PCDHGB3: variants seen among roughly 807,000 people sequenced by gnomAD.
The protein encoded by PCDHGB3 is protocadherin gamma-B3.
In PCDHGB3, 40 loss-of-function variants were observed where a neutral mutation model predicts 59.2. That is an observed-to-expected ratio of 0.68 (90% CI 0.52 to 0.88). The LOEUF is 0.88. Among genes scored for constraint, PCDHGB3 ranks in the 40% least tolerant of loss-of-function variants. The pLI is 0.00. For missense variants in PCDHGB3, 1,309 were observed against 1,187.9 expected, an observed-to-expected ratio of 1.10 and a Z score of -1.50; for synonymous variants, 581 against 503.6, an observed-to-expected ratio of 1.15 and a Z score of -2.06.
intron 1 of PCDHGB3, chr5:141,389,603 C>A: frequency 6.2e-7 from 1 of 1,613,148 alleles, no homozygotes; most frequent in Non-Finnish European, 8.5e-7. Flanking sequence ...CTGCGCTCTT[C>A]GATATGGTGC....
chr5:141,500,433 T>C (rs1398344932), intron 2 of PCDHGB3, among the ~76,000 whole-genome samples: 1 of 151,764 alleles, frequency 6.6e-6, no homozygotes, highest in East Asian at 1.9e-4. Context: ...ATGGTCTCGA[T>C]CTCCTGACCT....
At chr5:141,438,268 C>T (rs949472857) in intron 1 of PCDHGB3, among the ~76,000 whole-genome samples, 1 of 152,054 alleles carries the variant, frequency 6.6e-6, no homozygotes. Flanking sequence ...ACCATAGAAT[C>T]AAACAAAATA....
Position 141,478,507 on chromosome 5 carries a change from T to C in PCDHGB3, c.2416-16300T>C, listed in dbSNP as rs781120326. The C allele has an allele frequency of 4.3e-6, 7 of 1,612,048 alleles. No homozygotes were observed. In the East Asian group the frequency reaches 1.3e-4, roughly 31 times the overall value. On this transcript the variant is annotated intron_variant, in intron 1 of 3. Transcript: ENST00000576222. The stretch of plus-strand genomic sequence containing the variant: ...TGCGGAGCTGTGATCCGGTGTTCTA[T>C]AGGCAGGTGTTGGGTGCAGAGAGCG...
At position 141,490,785 on chromosome 5, in the gene PCDHGB3, G is replaced by A. The variant is rs1021708826; in HGVS notation, c.2416-4022G>A. 1.2e-6 allele frequency: 2 copies of A among 1,614,066 alleles called. No individual in the cohort carries two copies. Among genetic ancestry groups the A allele is most frequent in the Non-Finnish European group, 1.7e-6 (2 of 1,179,952 alleles). On this transcript the variant is annotated intron_variant, in intron 1 of 3. Coordinates refer to ENST00000576222, the MANE Select transcript of PCDHGB3 (RefSeq NM_018924.5). The surrounding 1 kb of genome is among the most constrained non-coding windows in gnomAD (Gnocchi z 5.4). ...TGTATGTCAACCCAGAGGATGGACG[G>A]ATCTTTGCCCAGCGTACCTTTGACT...
At chr5:141,377,786 A>G (rs1774350895) in intron 1 of PCDHGB3, 1 of 152,178 alleles carries the variant, frequency 6.6e-6, no homozygotes, top group African/African-American at 2.4e-5. Flanking sequence ...GACCTGAATA[A>G]CATTCCTGTA....
chr5:141,499,414 T>C (rs543824206), intron 2 of PCDHGB3, among the ~76,000 whole-genome samples: 1 of 151,804 alleles, frequency 6.6e-6, no homozygotes, highest in Non-Finnish European at 1.5e-5. Context: ...TATAGAAACA[T>C]GAAAAATAGA....
In PCDHGB3 at chr5:141,491,723, G is replaced by A. The variant is rs764792125; in HGVS notation, c.2416-3084G>A. The A allele has an allele frequency of 1.7e-5, 27 of 1,606,770 alleles. No individual in the cohort carries two copies. In the African/African-American group the frequency reaches 3.2e-4, roughly 19 times the overall value. On this transcript the variant is annotated intron_variant, in intron 1 of 3. Coordinates refer to ENST00000576222, the MANE Select transcript of PCDHGB3 (RefSeq NM_018924.5). The surrounding 1 kb of genome is among the most constrained non-coding windows in gnomAD (Gnocchi z 6.9). The stretch of plus-strand genomic sequence containing the variant: ...CAGGTGAGGGGCTCGGCGCCGCCCC[G>A]GGCGACCCCTGGGGGCGGCACTGGA...
intron 1 of PCDHGB3, chr5:141,374,993 T>C: frequency 6.2e-7 from 1 of 1,614,056 alleles, no homozygotes; most frequent in Non-Finnish European, 8.5e-7. Flanking sequence ...AATTTCAACT[T>C]CTGCAAATCT....
At chr5:141,383,213 A>C in intron 1 of PCDHGB3, 1 of 1,614,012 alleles carries the variant, frequency 6.2e-7, no homozygotes, top group Non-Finnish European at 8.5e-7. Flanking sequence ...TGTCTGGTAA[A>C]CTTTAACATC....
rs1233148754 is a variant in PCDHGB3, at chr5:141,428,157, T to A, written c.2415+55348T>A. ...CCTGGGGCTGCACACGGGAACCTGC[T>A]GGTTGCTGTGCGTGACGGAGGACAG... On this transcript the variant is annotated intron_variant, in intron 1 of 3. Coordinates refer to ENST00000576222, the MANE Select transcript of PCDHGB3 (RefSeq NM_018924.5). The A allele has an allele frequency of 4.4e-6, 7 of 1,575,024 alleles. No individual in the cohort carries two copies. The East Asian group carries it at 1.6e-4, about 35-fold the overall frequency.
rs530963064 is a variant in PCDHGB3, at chr5:141,404,506, C to G, written c.2415+31697C>G. ...ACACTGGTGTGCTGTATGCTCTGTG[C>G]TCCTTTGACTATGAGCAGTTTAGAG... is the stretch of plus-strand genomic sequence containing the variant. On this transcript the variant is annotated intron_variant, in intron 1 of 3. Coordinates refer to ENST00000576222, the MANE Select transcript of PCDHGB3 (RefSeq NM_018924.5). The G allele has an allele frequency of 3.2e-5, 52 of 1,613,814 alleles. No individual in the cohort carries two copies. Among genetic ancestry groups the G allele is most frequent in the Non-Finnish European group, 4.3e-5 (51 of 1,179,838 alleles).
intron 1 of PCDHGB3, chr5:141,374,128 GCTC>G: frequency 6.2e-7 from 1 of 1,603,488 alleles, no homozygotes; most frequent in Non-Finnish European, 8.5e-7. Flanking sequence ...AGCAGGTCCT[GCTC>G]CTCACGCTCC....
rs1219045744 is a variant in PCDHGB3 at position 141,476,783 on chromosome 5, G to T, written c.2416-18024G>T. The stretch of plus-strand genomic sequence containing the variant: ...GACGGCGTTGGACGGAGGGACCCCA[G>T]CTCTCTCCGCCAGCCTGCCTATTCA... On this transcript the variant is annotated intron_variant, in intron 1 of 3. Transcript: ENST00000576222. The surrounding 1 kb of genome is among the most constrained non-coding windows in gnomAD (Gnocchi z 7.6). 5 of 1,613,392 alleles carry T rather than the reference G, an allele frequency of 3.1e-6. No homozygotes were observed. The highest frequency in any genetic ancestry group is 2.7e-5 in the African/African-American group (2 of 74,930).
At chr5:141,385,448 AC>A (rs1336219074) in intron 1 of PCDHGB3, 2 of 1,449,614 alleles carry the variant, frequency 1.4e-6, no homozygotes, top group Non-Finnish European at 9.1e-7. Flanking sequence ...AAATGAGTTT[AC>A]CAGTTTCCTT....
At chr5:141,421,913 T>C in intron 1 of PCDHGB3, 1 of 1,613,710 alleles carries the variant, frequency 6.2e-7, no homozygotes, top group Non-Finnish European at 8.5e-7. Context: ...GCAGTTCCCA[T>C]TCGTGTGGTG....
chr5:141,373,575 A>C (rs1769694796), intron 1 of PCDHGB3, among the ~76,000 whole-genome samples: 1 of 152,236 alleles, frequency 6.6e-6, no homozygotes, highest in African/African-American at 2.4e-5. Flanking sequence ...GACTAGCATA[A>C]ATGGTGGTGA....
Position 141,485,057 on chromosome 5 carries a change from C to T in PCDHGB3, c.2416-9750C>T. 1 of 843,720 alleles carries T rather than the reference C, an allele frequency of 1.2e-6. No individual in the cohort carries two copies. The highest frequency in any genetic ancestry group is 1.9e-6 in the Non-Finnish European group (1 of 524,586). 52.3% of individuals were successfully genotyped at this position (843,720 alleles called of 1,614,324 possible). On this transcript the variant is annotated intron_variant, in intron 1 of 3. Transcript: ENST00000576222. This position sits in a 1 kb window ranked among gnomAD's most constrained non-coding sequence, Gnocchi z 5.7. The stretch of plus-strand genomic sequence containing the variant: ...GTAACCCTTGCGGCGCCGGCCGAAC[C>T]GCGCCAGAGCTGGCGCGGGGAAAGG...
chr5:141,402,451 G>A (rs2094267451), intron 1 of PCDHGB3, among the ~76,000 whole-genome samples: 1 of 152,016 alleles, frequency 6.6e-6, no homozygotes. Context: ...AATTATAATA[G>A]TTTACATATC....
At chr5:141,409,063 C>A (rs988950366) in intron 1 of PCDHGB3, 2 of 1,613,860 alleles carry the variant, frequency 1.2e-6, no homozygotes, top group African/African-American at 2.7e-5. Flanking sequence ...CTGCCCAGAG[C>A]ACAAAACATA....
Sources: allele counts gnomAD v4.1 joint callset (sites outside exome capture counted in the v4.1 genomes callset), GRCh38; gene constraint gnomAD v4.1.1; non-coding constraint Gnocchi (gnomAD v3.1); transcripts MANE v1.5; gene names NCBI Gene and HGNC (gene_info 2026-07-23, HGNC 2026-07-21).